COL4A1: variants seen among roughly 807,000 people sequenced by gnomAD.
The protein encoded by COL4A1 is collagen type IV alpha 1 chain, also known as collagen alpha-1(IV) chain.
A neutral mutation model predicts 216.6 loss-of-function variants in COL4A1; 40 were observed. The ratio of observed to expected loss-of-function variants is 0.18; its 90% CI spans 0.14 to 0.24. The LOEUF (loss-of-function observed/expected upper bound fraction) is 0.24, where lower values mean the gene tolerates loss of function less well. COL4A1 is among the 10% of genes least tolerant of loss of function. COL4A1 has a pLI of 1.00. For missense variants in COL4A1, 1,628 were observed against 2,196.8 expected (o/e 0.74, Z 5.18); for synonymous variants, 839 against 810.7 (o/e 1.03, Z -0.59).
chr13:110,209,623 C>T (rs890520038), intron 10 of COL4A1, among the ~76,000 whole-genome samples, 196 bp from the exon 11 acceptor site: 25 of 152,172 alleles, frequency 1.6e-4, no homozygotes, highest in African/African-American at 5.8e-4. Context: ...AATACCAATC[C>T]ATCTCCCCTG....
Position 110,182,980 on chromosome 13 carries a change from C to T in COL4A1, c.2095+13G>A. 1 of 1,609,378 alleles carries T rather than the reference C, an allele frequency of 6.2e-7. No homozygotes were observed. Among genetic ancestry groups the T allele is most frequent in the Non-Finnish European group, 8.5e-7 (1 of 1,178,294 alleles). On this transcript the variant is annotated intron_variant, in intron 28 of 51. Coordinates refer to ENST00000375820, the MANE Select transcript of COL4A1 (RefSeq NM_001845.6). The stretch of plus-strand genomic sequence containing the variant: ...AGGTGGACCAAAGGCTCGGGTCCGT[C>T]TGGCAGGGTTACCTTTGGGGCCGGG...
intron 51 of COL4A1, among the ~76,000 whole-genome samples, chr13:110,150,974 A>G (rs1172508548): frequency 1.3e-5 from 2 of 152,252 alleles, no homozygotes; most frequent in Non-Finnish European, 2.9e-5. Flanking sequence ...AAGGATTTCT[A>G]TGCAGATGGT....
At chr13:110,235,433 A>G (rs1259695698) in intron 2 of COL4A1, among the ~76,000 whole-genome samples, 22 of 152,050 alleles carry the variant, frequency 1.4e-4, no homozygotes, top group African/African-American at 3.6e-4. Context: ...GGCGGATCAC[A>G]AGGTCAGGAG....
intron 2 of COL4A1, among the ~76,000 whole-genome samples, chr13:110,232,290 G>A (rs1354436889): frequency 3.3e-5 from 5 of 152,184 alleles, no homozygotes; most frequent in Non-Finnish European, 5.9e-5. Context: ...TGGTTTGCTC[G>A]TTAACTCTGA....
At chr13:110,243,191 G>A (rs1345451446) in intron 1 of COL4A1, among the ~76,000 whole-genome samples, 1 of 151,890 alleles carries the variant, frequency 6.6e-6, no homozygotes, top group Non-Finnish European at 1.5e-5. Flanking sequence ...GCAAAAAAAA[G>A]TTTGTACAGA....
intron 2 of COL4A1, among the ~76,000 whole-genome samples, chr13:110,242,106 C>T (rs780147347): frequency 6.6e-6 from 1 of 152,166 alleles, no homozygotes; most frequent in Non-Finnish European, 1.5e-5. Flanking sequence ...ATTCAACTTG[C>T]CTTCCAGAGA....
chr13:110,212,064 C>T, intron 6 of COL4A1, 142 bp from the exon 7 acceptor site: 1 of 873,480 alleles, frequency 1.1e-6, no homozygotes. Context: ...AGCTGTGCTA[C>T]TGGGTACCAC....
Position 110,191,666 on chromosome 13 carries a change from G to GTAACAGAAA in COL4A1, c.1536+539_1536+547dup, listed in dbSNP as rs1878633561. The GTAACAGAAA allele has an allele frequency of 4.4e-6, 3 of 683,656 alleles. No homozygotes were observed. In the East Asian group the frequency reaches 8.1e-5, roughly 18 times the overall value. 42.3% of individuals were successfully genotyped at this position (683,656 alleles called of 1,614,324 possible). On this transcript the variant is annotated intron_variant, in intron 24 of 51. Transcript: ENST00000375820. The stretch of plus-strand genomic sequence containing the variant: ...AAAAAGCAACTGCACAATAGATGTT[G>GTAACAGAAA]TAACAGAAATTTTCAACTGTAAGAA...
At chr13:110,266,582 C>T (rs1883046097) in intron 1 of COL4A1, among the ~76,000 whole-genome samples, 1 of 152,124 alleles carries the variant, frequency 6.6e-6, no homozygotes, top group Non-Finnish European at 1.5e-5. Flanking sequence ...CAGATGCTGA[C>T]TTGGGGAAAC....
chr13:110,292,566 C>A (rs1353007569), intron 1 of COL4A1, among the ~76,000 whole-genome samples: 2 of 152,064 alleles, frequency 1.3e-5, no homozygotes, highest in Admixed American at 6.5e-5. Flanking sequence ...AGCTGGAAGA[C>A]CTCAGGAAAC....
intron 1 of COL4A1, among the ~76,000 whole-genome samples, chr13:110,305,244 C>T (rs1364752061): frequency 6.6e-6 from 1 of 152,192 alleles, no homozygotes; most frequent in Admixed American, 6.5e-5. Flanking sequence ...TCAAGGGACA[C>T]TGCAAAGACA....
chr13:110,184,703 T>G (rs1878323125), intron 26 of COL4A1, among the ~76,000 whole-genome samples: 1 of 149,042 alleles, frequency 6.7e-6, no homozygotes, highest in African/African-American at 2.4e-5. Flanking sequence ...TGTGTGTGTG[T>G]TTTGTTTGTT....
At chr13:110,172,845 T>C (rs1877708571) in intron 40 of COL4A1, 75 bp from the exon 41 acceptor site, 1 of 1,189,432 alleles carries the variant, frequency 8.4e-7, no homozygotes, top group Non-Finnish European at 1.3e-6. Flanking sequence ...CAAAGCACTA[T>C]CAACTCTGCA....
chr13:110,237,400 G>GA (rs1691806122), intron 2 of COL4A1, among the ~76,000 whole-genome samples: 1 of 152,150 alleles, frequency 6.6e-6, no homozygotes, highest in South Asian at 2.1e-4. Flanking sequence ...CCCCCGCCAG[G>GA]AGACATTCAG....
intron 17 of COL4A1, 86 bp from the exon 18 acceptor site, chr13:110,203,693 A>G: frequency 7.2e-7 from 1 of 1,391,114 alleles, no homozygotes; most frequent in South Asian, 1.2e-5. Flanking sequence ...CTTCTGGTAA[A>G]ATAGAGTGTG....
rs866989381 is a variant in COL4A1, at chr13:110,186,415, G to A, written c.1867C>T (p.Pro623Ser). The change falls in exon 26 of 52, where the codon CCT (proline) becomes TCT (serine). Residue 623 changes from proline to serine, a missense_variant. Physicochemically the swap from Pro to Ser is moderately conservative, Grantham distance 74. Coordinates refer to ENST00000375820, the MANE Select transcript of COL4A1 (RefSeq NM_001845.6). ...PIGDKGQAGF[P>S]GGPGSPGLPG... ...AGGCCTGGGGATCCAGGGCCTCCAG[G>A]AAAGCCTGCTTGTCCTTTGTCACCA... The A allele has an allele frequency of 6.2e-7, 1 of 1,613,408 alleles. No homozygotes were observed. The highest frequency in any genetic ancestry group is 1.3e-5 in the African/African-American group (1 of 74,926).
chr13:110,229,579 A>AC (rs1880912923), intron 2 of COL4A1, among the ~76,000 whole-genome samples: 1 of 152,190 alleles, frequency 6.6e-6, no homozygotes, highest in African/African-American at 2.4e-5. Context: ...GGAAATTCTA[A>AC]CCCCCAAGGT....
Position 110,209,898 on chromosome 13 carries a change from T to G in COL4A1, c.615+82A>C, listed in dbSNP as rs377134698. ...AGCGACCACAACTGTGTAAAGTTTT[T>G]ACTAAATTATTATTTATTTTCAAAC... On this transcript the variant is annotated intron_variant, in intron 10 of 51. Coordinates refer to ENST00000375820, the MANE Select transcript of COL4A1 (RefSeq NM_001845.6). 3 of 1,498,842 alleles carry G rather than the reference T, an allele frequency of 2.0e-6. No individual in the cohort carries two copies. In the East Asian group the frequency reaches 6.8e-5, roughly 34 times the overall value. The allele number at this position is 1,498,842 out of a possible 1,614,324, so 92.8% of individuals were successfully genotyped here. A position where few individuals can be genotyped will look rare whatever the true frequency, so the allele number is the denominator to read the frequency against.
Position 110,213,771 on chromosome 13 carries a change from A to G in COL4A1, c.279+11T>C, listed in dbSNP as rs1292487384. Reference sequence around the variant, plus strand: ...ATGGAATCATCGATTGTGAGTAGCAACTGTACTCACTCTTGTCCCTTTTGT... The same window carrying G: ...ATGGAATCATCGATTGTGAGTAGCAGCTGTACTCACTCTTGTCCCTTTTGT... On this transcript the variant is annotated intron_variant, in intron 4 of 51. Transcript: ENST00000375820. 1.2e-6 allele frequency: 2 copies of G among 1,612,660 alleles called. No homozygotes were observed. The highest frequency in any genetic ancestry group is 4.5e-5 in the East Asian group (2 of 44,888).
Sources: allele counts gnomAD v4.1 joint callset (sites outside exome capture counted in the v4.1 genomes callset), GRCh38; gene constraint gnomAD v4.1.1; transcripts MANE v1.5; gene names NCBI Gene and HGNC (gene_info 2026-07-23, HGNC 2026-07-21).